Variants in GABBR2 observed in about 807,000 individuals in gnomAD.
The protein encoded by GABBR2 is G-protein coupled receptor 51.
In GABBR2, 23 loss-of-function variants were observed where a neutral mutation model predicts 105.6. That is an observed-to-expected ratio of 0.22 (90% CI 0.16 to 0.31). The LOEUF (loss-of-function observed/expected upper bound fraction) is 0.31. Ranked by LOEUF, GABBR2 falls within the 10% of genes least tolerant of loss-of-function variation. The pLI is 1.00. For missense variants in GABBR2, 734 were observed against 1,245.5 expected (o/e 0.59, Z 6.18); for synonymous variants, 478 against 499.7 (o/e 0.96, Z 0.58).
chr9:98,398,550 C>T (rs1283791518), intron 8 of GABBR2, among the ~76,000 whole-genome samples: 1 of 152,168 alleles, frequency 6.6e-6, no homozygotes, highest in Admixed American at 6.5e-5. Flanking sequence ...CTAAAACCTG[C>T]TCTGTGTGAC....
chr9:98,490,283 A>G (rs1296345765), intron 4 of GABBR2, among the ~76,000 whole-genome samples: 1 of 152,182 alleles, frequency 6.6e-6, no homozygotes, highest in Non-Finnish European at 1.5e-5. Context: ...CTAGAACAGC[A>G]TTCCCTATAC....
chr9:98,444,897 A>G (rs1310866875), intron 7 of GABBR2, among the ~76,000 whole-genome samples: 6 of 144,932 alleles, frequency 4.1e-5, no homozygotes, highest in African/African-American at 7.6e-5. Context: ...ACACACACAC[A>G]CACGCACGTG....
intron 5 of GABBR2, among the ~76,000 whole-genome samples, chr9:98,476,280 T>C (rs2131635685): frequency 6.6e-6 from 1 of 152,344 alleles, no homozygotes. Context: ...TTCTTGTAAG[T>C]GAGTTTTCCA....
intron 1 of GABBR2, among the ~76,000 whole-genome samples, chr9:98,666,770 C>T (rs992238745): frequency 2.0e-5 from 3 of 152,116 alleles, no homozygotes; most frequent in East Asian, 1.9e-4. Context: ...GAAGGCTTTC[C>T]ATGTGAGACA....
chr9:98,682,661 C>T (rs927791387), intron 1 of GABBR2, among the ~76,000 whole-genome samples: 5 of 152,074 alleles, frequency 3.3e-5, no homozygotes, highest in Admixed American at 1.3e-4. Flanking sequence ...CAGGCGTGAG[C>T]CACCACTGCA....
intron 1 of GABBR2, among the ~76,000 whole-genome samples, chr9:98,592,040 G>A (rs2131796604): frequency 6.6e-6 from 1 of 152,338 alleles, no homozygotes; most frequent in African/African-American, 2.4e-5. Context: ...CAGACACCTA[G>A]GAGCCCAAGC....
chr9:98,359,528 A>T (rs1831545916), intron 13 of GABBR2, among the ~76,000 whole-genome samples: 1 of 152,146 alleles, frequency 6.6e-6, no homozygotes, highest in African/African-American at 2.4e-5. Flanking sequence ...CCTCTAGGGG[A>T]CTTGCATTCC....
At chr9:98,385,249 G>C (rs73497010) in intron 11 of GABBR2, among the ~76,000 whole-genome samples, 7,597 of 152,194 alleles carry the variant, frequency 0.05, 666 homozygotes, top group African/African-American at 0.17. Flanking sequence ...TGTTTCCCAG[G>C]CTGGGGCACA....
intron 13 of GABBR2, among the ~76,000 whole-genome samples, chr9:98,347,403 C>A (rs1435423030): frequency 1.3e-5 from 2 of 152,038 alleles, no homozygotes; most frequent in Non-Finnish European, 1.5e-5. Context: ...TATTCTGATC[C>A]TTTGTCTTCA....
chr9:98,418,953 T>C (rs941651256), intron 7 of GABBR2, among the ~76,000 whole-genome samples: 1 of 152,254 alleles, frequency 6.6e-6, no homozygotes, highest in Non-Finnish European at 1.5e-5. Context: ...TGATTTTTGC[T>C]TTACTGTAGG....
At chr9:98,421,510 G>A (rs1832782164) in intron 7 of GABBR2, among the ~76,000 whole-genome samples, 1 of 152,084 alleles carries the variant, frequency 6.6e-6, no homozygotes, top group Middle Eastern at 3.2e-3. Flanking sequence ...TAAGTTGTCA[G>A]GATTTAAATA....
intron 1 of GABBR2, among the ~76,000 whole-genome samples, chr9:98,657,361 G>C (rs956383570): frequency 6.6e-6 from 1 of 152,078 alleles, no homozygotes; most frequent in African/African-American, 2.4e-5. Flanking sequence ...AAAAATGGAG[G>C]GTATATTTCC....
At chr9:98,559,034 T>C (rs1357636139) in intron 2 of GABBR2, among the ~76,000 whole-genome samples, 1 of 152,252 alleles carries the variant, frequency 6.6e-6, no homozygotes, top group Non-Finnish European at 1.5e-5. Context: ...TTCCCCTTTC[T>C]GGGCCTCGGT....
chr9:98,607,247 G>A (rs1829439245), intron 1 of GABBR2: 12 of 1,316,874 alleles, frequency 9.1e-6, no homozygotes, highest in Non-Finnish European at 1.2e-5. Flanking sequence ...ATAAACTTGA[G>A]GACTACGTAA....
chr9:98,453,662 T>C (rs1826274087), intron 7 of GABBR2, among the ~76,000 whole-genome samples: 1 of 152,234 alleles, frequency 6.6e-6, no homozygotes, highest in Non-Finnish European at 1.5e-5. Flanking sequence ...GAGCCACTGC[T>C]CTAAAATGTA....
chr9:98,352,699 C>T (rs564457269), intron 13 of GABBR2, among the ~76,000 whole-genome samples: 6 of 152,214 alleles, frequency 3.9e-5, no homozygotes, highest in African/African-American at 1.4e-4. Flanking sequence ...CATCCCCAGG[C>T]AGGCAATTCT....
At chr9:98,701,136 G>A (rs1830824971) in intron 1 of GABBR2, among the ~76,000 whole-genome samples, 1 of 152,150 alleles carries the variant, frequency 6.6e-6, no homozygotes, top group African/African-American at 2.4e-5. Flanking sequence ...TCAGACCTCT[G>A]TATGAAGAAG....
At chr9:98,323,421 G>T (rs1041333600) in intron 13 of GABBR2, among the ~76,000 whole-genome samples, 2 of 152,244 alleles carry the variant, frequency 1.3e-5, no homozygotes, top group African/African-American at 4.8e-5. Flanking sequence ...GGCAAGGGCA[G>T]CCCTCTTCCC....
intron 3 of GABBR2, among the ~76,000 whole-genome samples, chr9:98,501,153 C>CCCCTT (rs1564094521): frequency 1.6e-5 from 2 of 125,736 alleles, no homozygotes; most frequent in Admixed American, 8.3e-5. Flanking sequence ...CCCCCTGCTC[C>CCCCTT]TTTTTTTTTT....
Sources: gnomAD v4.1 joint callset for allele counts (sites outside exome capture counted in the v4.1 genomes callset) on GRCh38, gnomAD v4.1.1 for gene constraint, MANE v1.5 for transcripts, NCBI Gene and HGNC (gene_info 2026-07-23, HGNC 2026-07-21) for gene names.